COL4A1: variants seen among roughly 807,000 people sequenced by gnomAD.
COL4A1 encodes collagen type IV alpha 1 chain.
Under a neutral mutation model 216.6 loss-of-function variants are expected in COL4A1, and 40 were observed. The observed-to-expected ratio is 0.18, with a 90% CI of 0.14 to 0.24. COL4A1 has a LOEUF of 0.24. Ranked by LOEUF, COL4A1 falls within the 10% of genes least tolerant of loss-of-function variation. COL4A1 has a pLI of 1.00. For missense variants in COL4A1, 1,628 were observed against 2,196.8 expected (o/e 0.74, Z 5.18); for synonymous variants, 839 against 810.7 (o/e 1.03, Z -0.59).
At chr13:110,156,216 AGTGTTT>A (rs1157143168) in intron 49 of COL4A1, among the ~76,000 whole-genome samples, 1 of 152,222 alleles carries the variant, frequency 6.6e-6, no homozygotes, top group Non-Finnish European at 1.5e-5. Context: ...TGGGCATTTG[AGTGTTT>A]TCCAATCTTT....
intron 43 of COL4A1, among the ~76,000 whole-genome samples, chr13:110,168,408 C>A (rs1458289055): frequency 6.6e-6 from 1 of 152,144 alleles, no homozygotes; most frequent in Non-Finnish European, 1.5e-5. Context: ...TGGAAAACTG[C>A]AATATAGCAA....
At chr13:110,156,159 C>T (rs1270179567) in intron 49 of COL4A1, among the ~76,000 whole-genome samples, 2 of 152,210 alleles carry the variant, frequency 1.3e-5, no homozygotes, top group Non-Finnish European at 2.9e-5. Flanking sequence ...AAAGCTCTAA[C>T]AGTGGCTCTC....
At chr13:110,256,661 G>A (rs576729096) in intron 1 of COL4A1, among the ~76,000 whole-genome samples, 10 of 152,196 alleles carry the variant, frequency 6.6e-5, no homozygotes, top group Non-Finnish European at 1.5e-4. Flanking sequence ...AGGTGCAACT[G>A]GAAATGCGGA....
rs185760908 is a variant in COL4A1 at position 110,231,903 on chromosome 13, G to A, written c.144+10772C>T. ...ACCTAAGGCCCTAACATGCTACAGCGGGACGCCCACAGAAAATTCTCTGGT... is the reference window on the plus strand; with the variant it reads ...ACCTAAGGCCCTAACATGCTACAGCAGGACGCCCACAGAAAATTCTCTGGT... On this transcript the variant is annotated intron_variant, in intron 2 of 51. Coordinates refer to ENST00000375820, the MANE Select transcript of COL4A1 (RefSeq NM_001845.6). 1.2e-4 allele frequency among the ~76,000 whole-genome samples: 19 copies of A among 152,300 alleles called. No individual in the cohort carries two copies. In the East Asian group the frequency reaches 1.3e-3, roughly 11 times the overall value.
intron 2 of COL4A1, among the ~76,000 whole-genome samples, chr13:110,223,433 C>A (rs1211996224): frequency 1.3e-5 from 2 of 152,172 alleles, no homozygotes; most frequent in Admixed American, 6.5e-5. Context: ...TGATAACATT[C>A]TCTCCTTTGC....
At chr13:110,182,278 C>T (rs1319538392) in intron 28 of COL4A1, among the ~76,000 whole-genome samples, 1 of 152,230 alleles carries the variant, frequency 6.6e-6, no homozygotes, top group African/African-American at 2.4e-5. Context: ...TAGCAGCCTA[C>T]AGCAGTGAGG....
chr13:110,173,383 T>C (rs1324331783), intron 40 of COL4A1, among the ~76,000 whole-genome samples: 1 of 152,052 alleles, frequency 6.6e-6, no homozygotes, highest in Non-Finnish European at 1.5e-5. Context: ...TGTGTTTATC[T>C]CTCTCTTGCA....
chr13:110,271,652 G>A (rs1364681206), intron 1 of COL4A1, among the ~76,000 whole-genome samples: 2 of 152,210 alleles, frequency 1.3e-5, no homozygotes, highest in Non-Finnish European at 2.9e-5. Flanking sequence ...TTAGATTAGA[G>A]GTGACCAGGG....
rs1224858685 is a variant in COL4A1, at chr13:110,211,037, A to G, written c.468+610T>C. Among the ~76,000 whole-genome samples, 2 of 152,226 alleles carry G rather than the reference A, an allele frequency of 1.3e-5. No homozygotes were observed. The highest frequency in any genetic ancestry group is 3.9e-4 in the East Asian group (2 of 5,172). On this transcript the variant is annotated intron_variant, in intron 8 of 51. Transcript: ENST00000375820. The surrounding 1 kb of genome is among the most constrained non-coding windows in gnomAD (Gnocchi z 4.3). Reference sequence around the variant, plus strand: ...GTGTCTCTGGAGCATGCTAACACACAGGGCTATTATGAGGATCTATTTCCT... The same window carrying G: ...GTGTCTCTGGAGCATGCTAACACACGGGGCTATTATGAGGATCTATTTCCT...
chr13:110,237,238 G>A (rs114096541), intron 2 of COL4A1, among the ~76,000 whole-genome samples: 69 of 152,292 alleles, frequency 4.5e-4, no homozygotes, highest in African/African-American at 1.4e-3. Flanking sequence ...CAGCTGGCCC[G>A]ACTCCCTCAG....
intron 49 of COL4A1, among the ~76,000 whole-genome samples, chr13:110,157,194 A>C (rs1396258637): frequency 6.6e-6 from 1 of 152,230 alleles, no homozygotes; most frequent in African/African-American, 2.4e-5. Context: ...GTTGTGTCCA[A>C]GACAGAACGA....
chr13:110,220,658 C>T (rs1455972193), intron 2 of COL4A1, among the ~76,000 whole-genome samples: 2 of 151,762 alleles, frequency 1.3e-5, no homozygotes, highest in Non-Finnish European at 2.9e-5. Context: ...GCAAGTTCCT[C>T]ATTTCATGGG....
chr13:110,207,813 G>A lies in COL4A1; in HGVS notation c.694-324C>T, dbSNP rs1426875936. 6.6e-6 allele frequency among the ~76,000 whole-genome samples: 1 copy of A among 152,170 alleles called. No homozygotes were observed. Among genetic ancestry groups the A allele is most frequent in the African/African-American group, 2.4e-5 (1 of 41,432 alleles). On this transcript the variant is annotated intron_variant, in intron 12 of 51. Coordinates refer to ENST00000375820, the MANE Select transcript of COL4A1 (RefSeq NM_001845.6). This position sits in a 1 kb window ranked among gnomAD's most constrained non-coding sequence, Gnocchi z 4.4. ...GTGTATACTGGCTTCTGATGGCACG[G>A]AGGAAAGGAATACAAACTACCTAAT...
chr13:110,186,297 G>A (rs1026348919), intron 26 of COL4A1, 88 bp downstream of exon 26: 123 of 1,535,114 alleles, frequency 8.0e-5, no homozygotes, highest in Non-Finnish European at 1.0e-4. Context: ...TGGCCTATGC[G>A]AACCCCAGGC....
chr13:110,219,690 G>GTGTATATATGTA (rs1555307882), intron 2 of COL4A1, among the ~76,000 whole-genome samples: 2 of 135,090 alleles, frequency 1.5e-5, no homozygotes, highest in African/African-American at 2.9e-5. Context: ...GTATATATAT[G>GTGTATATATGTA]TATATATATG....
chr13:110,194,720 A>C (rs2139182453), intron 22 of COL4A1, among the ~76,000 whole-genome samples: 1 of 152,310 alleles, frequency 6.6e-6, no homozygotes, highest in African/African-American at 2.4e-5. Context: ...TTGCGGTAAC[A>C]AATCAGTCTG....
intron 2 of COL4A1, among the ~76,000 whole-genome samples, chr13:110,228,744 AGAG>A (rs1179448387): frequency 6.6e-6 from 1 of 152,222 alleles, no homozygotes; most frequent in Non-Finnish European, 1.5e-5. Context: ...AATTGTCTCT[AGAG>A]GAGGACAGAA....
chr13:110,260,991 C>T (rs886088562), intron 1 of COL4A1, among the ~76,000 whole-genome samples: 7 of 136,380 alleles, frequency 5.1e-5, no homozygotes, highest in South Asian at 2.4e-4. Flanking sequence ...GAGCTGAGAT[C>T]GCGCCACTGC....
At position 110,164,744 on chromosome 13, in the gene COL4A1, A is replaced by C. The variant is rs970167111; in HGVS notation, c.4150+118T>G. 9.9e-6 allele frequency: 14 copies of C among 1,418,722 alleles called. No individual in the cohort carries two copies. In the South Asian group the frequency reaches 1.7e-4, roughly 17 times the overall value. The allele number at this position is 1,418,722 out of a possible 1,614,324, so 87.9% of individuals were successfully genotyped here. ...GAAGGGAGGTAAGAAACTCATATTC[A>C]TATGTGTGTGTATAATCATTACCCA... On this transcript the variant is annotated intron_variant, in intron 46 of 51. Transcript: ENST00000375820.
Sources: allele counts gnomAD v4.1 joint callset (sites outside exome capture counted in the v4.1 genomes callset), GRCh38; gene constraint gnomAD v4.1.1; non-coding constraint Gnocchi (gnomAD v3.1); transcripts MANE v1.5; gene names NCBI Gene and HGNC (gene_info 2026-07-23, HGNC 2026-07-21).